MCTP1: variants seen among roughly 807,000 people sequenced by gnomAD.
MCTP1 encodes multiple C2 and transmembrane domain-containing protein 1.
A neutral mutation model predicts 120.6 loss-of-function variants in MCTP1; 69 were observed. That is an observed-to-expected ratio of 0.57 (90% confidence interval 0.47 to 0.70). The LOEUF is 0.70. Among genes scored for constraint, MCTP1 ranks in the 30% least tolerant of loss-of-function variants. The pLI, the probability that MCTP1 is intolerant of heterozygous loss-of-function variation, is 0.00. For missense variants in MCTP1, 1,203 were observed against 1,248.8 expected, an observed-to-expected ratio of 0.96 and a Z score of 0.55; for synonymous variants, 529 against 493.1, an observed-to-expected ratio of 1.07 and a Z score of -0.96.
chr5:94,898,321 C>T (rs1001947432), intron 10 of MCTP1, among the ~76,000 whole-genome samples: 1 of 152,164 alleles, frequency 6.6e-6, no homozygotes, highest in Admixed American at 6.5e-5. Flanking sequence ...GAGTAAGATG[C>T]CATTTTAAAT....
intron 1 of MCTP1, among the ~76,000 whole-genome samples, chr5:95,093,330 T>C (rs1423386736): frequency 6.6e-6 from 1 of 152,188 alleles, no homozygotes; most frequent in Admixed American, 6.5e-5. Context: ...ACTTCCTGCA[T>C]TTCATGACTG....
At chr5:94,756,369 G>A (rs1769864230) in intron 19 of MCTP1, among the ~76,000 whole-genome samples, 1 of 152,162 alleles carries the variant, frequency 6.6e-6, no homozygotes. Context: ...GCTAGAAGGT[G>A]GCTAATTTGA....
At chr5:94,723,894 AAG>A (rs1761496576) in intron 19 of MCTP1, among the ~76,000 whole-genome samples, 1 of 152,094 alleles carries the variant, frequency 6.6e-6, no homozygotes, top group South Asian at 2.1e-4. Flanking sequence ...AAAGTGAGGA[AAG>A]AGAAAGAAGG....
chr5:94,898,420 C>T (rs1202378928), intron 10 of MCTP1, among the ~76,000 whole-genome samples: 1 of 152,170 alleles, frequency 6.6e-6, no homozygotes, highest in East Asian at 1.9e-4. Flanking sequence ...CATATTGTTG[C>T]TGGCGTTGGC....
At chr5:95,173,582 C>A (rs1209591342) in intron 1 of MCTP1, among the ~76,000 whole-genome samples, 1 of 152,146 alleles carries the variant, frequency 6.6e-6, no homozygotes, top group Admixed American at 6.5e-5. Context: ...CATCCAGTCT[C>A]AATTCTACTT....
intron 1 of MCTP1, among the ~76,000 whole-genome samples, chr5:95,173,730 T>G (rs1172681627): frequency 6.6e-6 from 1 of 151,524 alleles, no homozygotes; most frequent in Non-Finnish European, 1.5e-5. Context: ...ACAAGAATCA[T>G]CAGACATTTA....
chr5:94,867,990 T>C (rs771314915), intron 17 of MCTP1: 19 of 169,690 alleles, frequency 1.1e-4, no homozygotes, highest in Non-Finnish European at 2.2e-4. Context: ...GTCGAGATTA[T>C]TACTATTATT....
intron 11 of MCTP1, among the ~76,000 whole-genome samples, chr5:94,892,713 G>A (rs566039045): frequency 6.6e-6 from 1 of 152,146 alleles, no homozygotes; most frequent in Admixed American, 6.5e-5. Context: ...AGTGACCAAT[G>A]TCAAATTCCT....
At chr5:95,142,092 A>C (rs1759978028) in intron 1 of MCTP1, among the ~76,000 whole-genome samples, 1 of 152,336 alleles carries the variant, frequency 6.6e-6, no homozygotes, top group African/African-American at 2.4e-5. Flanking sequence ...GATGAACTTG[A>C]CATAAGAATT....
At position 94,961,418 on chromosome 5, in the gene MCTP1, A is replaced by T. The variant is rs111898649; in HGVS notation, c.839-8057T>A. 5.5e-3 allele frequency among the ~76,000 whole-genome samples: 830 copies of T among 151,712 alleles called. 6 individuals are homozygous for T. The highest frequency in any genetic ancestry group is 0.018 in the African/African-American group (737 of 41,382). On this transcript the variant is annotated intron_variant, in intron 2 of 22. Transcript: ENST00000515393. The stretch of plus-strand genomic sequence containing the variant: ...TATCCCAGAGCTTAAAGTATAATTT[A>T]AAAAAAAAGAAAGAAAATCAGAATT...
rs981933630 is a variant in MCTP1 at position 95,170,739 on chromosome 5, C to CT, written c.720+113116dup. ...CAGAGACTGGGATTGCAACCCCTGC[C>CT]TTTTTTTGTTTTCTATTTGCTTGGT... On this transcript the variant is annotated intron_variant, in intron 1 of 22. Coordinates refer to ENST00000515393, the MANE Select transcript of MCTP1 (RefSeq NM_024717.7). 5.3e-5 allele frequency among the ~76,000 whole-genome samples: 8 copies of CT among 152,126 alleles called. No homozygotes were observed. In the South Asian group the frequency reaches 6.2e-4, roughly 12 times the overall value.
chr5:95,120,683 C>T (rs936693753), intron 1 of MCTP1, among the ~76,000 whole-genome samples: 1 of 152,036 alleles, frequency 6.6e-6, no homozygotes, highest in African/African-American at 2.4e-5. Flanking sequence ...AGAAACATAC[C>T]TCAACATAAT....
intron 17 of MCTP1, among the ~76,000 whole-genome samples, chr5:94,842,253 C>T (rs1014698453): frequency 2.6e-5 from 4 of 152,048 alleles, no homozygotes; most frequent in Admixed American, 6.5e-5. Flanking sequence ...TTTTTTTCCC[C>T]CTGTAGACAT....
intron 17 of MCTP1, among the ~76,000 whole-genome samples, chr5:94,815,958 T>C (rs1466123744): frequency 6.6e-6 from 1 of 152,134 alleles, no homozygotes; most frequent in Non-Finnish European, 1.5e-5. Context: ...TCCTCTCCTT[T>C]ATGTCTAGTT....
At chr5:94,896,804 T>A (rs778082791) in intron 10 of MCTP1, among the ~76,000 whole-genome samples, 19 of 152,180 alleles carry the variant, frequency 1.2e-4, no homozygotes, top group Non-Finnish European at 2.2e-4. Flanking sequence ...TTACACTACC[T>A]TGCTCTAGTA....
intron 5 of MCTP1, among the ~76,000 whole-genome samples, chr5:94,934,537 T>C (rs1009026693): frequency 2.6e-5 from 4 of 151,812 alleles, no homozygotes; most frequent in Non-Finnish European, 5.9e-5. Flanking sequence ...ATCCATTTTT[T>C]AATTTTTATC....
intron 17 of MCTP1, among the ~76,000 whole-genome samples, chr5:94,806,818 G>A (rs1782422165): frequency 6.6e-6 from 1 of 152,100 alleles, no homozygotes; most frequent in African/African-American, 2.4e-5. Flanking sequence ...TGTTTGATGA[G>A]TATTTTTCTT....
At chr5:95,213,426 T>A (rs1192157262) in intron 1 of MCTP1, among the ~76,000 whole-genome samples, 2 of 152,264 alleles carry the variant, frequency 1.3e-5, no homozygotes, top group South Asian at 4.1e-4. Context: ...ATCGTGAAAA[T>A]GGCCATACTG....
rs559301360 is a variant in MCTP1, at chr5:95,094,932, A to G, written c.721-77448T>C. ...CCTATAATAAATTCATGGTATTTGCACATTTTTTGTTTTGCTTCCTAGTGA... is the reference window on the plus strand; with the variant it reads ...CCTATAATAAATTCATGGTATTTGCGCATTTTTTGTTTTGCTTCCTAGTGA... On this transcript the variant is annotated intron_variant, in intron 1 of 22. Coordinates refer to ENST00000515393, the MANE Select transcript of MCTP1 (RefSeq NM_024717.7). 6.6e-4 allele frequency among the ~76,000 whole-genome samples: 100 copies of G among 150,536 alleles called. No individual in the cohort carries two copies. In the South Asian group the frequency reaches 0.01, roughly 15 times the overall value.
Sources: gnomAD v4.1 joint callset for allele counts (sites outside exome capture counted in the v4.1 genomes callset) on GRCh38, gnomAD v4.1.1 for gene constraint, MANE v1.5 for transcripts, NCBI Gene and HGNC (gene_info 2026-07-23, HGNC 2026-07-21) for gene names.